SGIP1: variants seen among roughly 807,000 people sequenced by gnomAD.
SGIP1 encodes SH3-containing GRB2-like protein 3-interacting protein 1.
In SGIP1, 38 loss-of-function variants were observed where a neutral mutation model predicts 107.5. That is an observed-to-expected ratio of 0.35 (90% CI 0.27 to 0.46). The LOEUF (loss-of-function observed/expected upper bound fraction) is 0.46, where lower values mean the gene tolerates loss of function less well. Ranked by LOEUF, SGIP1 falls within the 20% of genes least tolerant of loss-of-function variation. The pLI is 1.00. For missense variants in SGIP1, 929 were observed against 1,019.5 expected, an observed-to-expected ratio of 0.91 and a Z score of 1.21; for synonymous variants, 365 against 366.1, an observed-to-expected ratio of 1.00 and a Z score of 0.03.
chr1:66,680,328 T>C (rs2086391769), intron 14 of SGIP1, among the ~76,000 whole-genome samples: 3 of 152,240 alleles, frequency 2.0e-5, no homozygotes, highest in Admixed American at 2.0e-4. Flanking sequence ...AGGCACACCT[T>C]TACCATCTAT....
chr1:66,618,206 T>C (rs564192188), intron 1 of SGIP1, among the ~76,000 whole-genome samples: 4 of 152,364 alleles, frequency 2.6e-5, no homozygotes, highest in Non-Finnish European at 4.4e-5. Context: ...CCACCTAAAA[T>C]GTAATGTGGC....
chr1:66,638,605 A>T (rs17129230), intron 4 of SGIP1, among the ~76,000 whole-genome samples: 1 of 152,118 alleles, frequency 6.6e-6, no homozygotes, highest in African/African-American at 2.4e-5. Flanking sequence ...TGAACACATT[A>T]TCTATTTCTT....
At chr1:66,698,328 C>A (rs2091308180) in intron 18 of SGIP1, among the ~76,000 whole-genome samples, 1 of 148,928 alleles carries the variant, frequency 6.7e-6, no homozygotes, top group Non-Finnish European at 1.5e-5. Flanking sequence ...GATAAAAATT[C>A]TATTTATTTT....
chr1:66,615,534 A>G (rs973563453), intron 1 of SGIP1, among the ~76,000 whole-genome samples: 2 of 152,306 alleles, frequency 1.3e-5, no homozygotes, highest in African/African-American at 4.8e-5. Context: ...CTGGCCCCCT[A>G]TTCCCTGAAT....
At chr1:66,656,111 T>G (rs879470674) in intron 7 of SGIP1, among the ~76,000 whole-genome samples, 1 of 152,228 alleles carries the variant, frequency 6.6e-6, no homozygotes, top group Non-Finnish European at 1.5e-5. Flanking sequence ...TAAAAATTTT[T>G]CTTTTCACTT....
Position 66,583,314 on chromosome 1 carries a change from G to A in SGIP1, c.11-42533G>A, listed in dbSNP as rs898062477. Among the ~76,000 whole-genome samples, 3 of 152,168 alleles carry A rather than the reference G, an allele frequency of 2.0e-5. No individual in the cohort carries two copies. In the East Asian group the frequency reaches 5.8e-4, roughly 29 times the overall value. ...TCAAAGTGTAGTCTATGTAATGTTT[G>A]CACTGGAAAATTTTAAAGTGCTTAT... On this transcript the variant is annotated intron_variant, in intron 1 of 24. Transcript: ENST00000371037.
chr1:66,607,297 T>C (rs2067034407), intron 1 of SGIP1, among the ~76,000 whole-genome samples: 1 of 152,218 alleles, frequency 6.6e-6, no homozygotes, highest in South Asian at 2.1e-4. Context: ...ACTTGGAGTT[T>C]TATCACCCAC....
intron 18 of SGIP1, among the ~76,000 whole-genome samples, chr1:66,714,394 C>T (rs1227538549): frequency 6.6e-6 from 1 of 152,060 alleles, no homozygotes; most frequent in Non-Finnish European, 1.5e-5. Context: ...TGAAATAATC[C>T]CATAATGATG....
rs1177903799 is a variant in SGIP1, at chr1:66,750,871, C to T, written c.*7776C>T. Among the ~76,000 whole-genome samples, 1 of 152,186 alleles carries T rather than the reference C, an allele frequency of 6.6e-6. No homozygotes were observed. Among genetic ancestry groups the T allele is most frequent in the Non-Finnish European group, 1.5e-5 (1 of 68,038 alleles). ...TTGTTGAAGATAATCATGAGACCATCTTAACATTACTTGCCTTATAAGTTA... is the reference window on the plus strand; with the variant it reads ...TTGTTGAAGATAATCATGAGACCATTTTAACATTACTTGCCTTATAAGTTA... On this transcript the variant is annotated 3_prime_UTR_variant, in exon 25 of 25. Coordinates refer to ENST00000371037, the MANE Select transcript of SGIP1 (RefSeq NM_032291.4).
chr1:66,640,172 AG>A (rs1466173872), intron 5 of SGIP1, among the ~76,000 whole-genome samples: 1 of 152,192 alleles, frequency 6.6e-6, no homozygotes, highest in African/African-American at 2.4e-5. Flanking sequence ...ACCCTGATCT[AG>A]CCCCCACACA....
chr1:66,637,419 AC>A (rs1269872523), intron 4 of SGIP1, among the ~76,000 whole-genome samples: 1 of 150,628 alleles, frequency 6.6e-6, no homozygotes, highest in Non-Finnish European at 1.5e-5. Flanking sequence ...CATAACTGAG[AC>A]CAAATTCCTC....
chr1:66,639,272 C>T (rs1023995121), intron 4 of SGIP1, among the ~76,000 whole-genome samples: 1 of 152,168 alleles, frequency 6.6e-6, no homozygotes, highest in African/African-American at 2.4e-5. Flanking sequence ...AGCTGACTTA[C>T]TCTGTGTTTT....
In SGIP1 at chr1:66,747,275, C is replaced by T. The variant is rs1163843270; in HGVS notation, c.*4180C>T. The T allele has an allele frequency of 6.6e-6, 1 of 152,026 alleles. No homozygotes were observed. Among genetic ancestry groups the T allele is most frequent in the East Asian group, 1.9e-4 (1 of 5,202 alleles). 9.4% of individuals were successfully genotyped at this position (152,026 alleles called of 1,614,324 possible). A position where few individuals can be genotyped will look rare whatever the true frequency, so the allele number is the denominator to read the frequency against. ...GCTCTAGTAGATCTCTAAGGTCCTT[C>T]TTAGTTCTGACATTATATCAGATTT... is the stretch of plus-strand genomic sequence containing the variant. On this transcript the variant is annotated 3_prime_UTR_variant, in exon 25 of 25. Transcript: ENST00000371037.
intron 17 of SGIP1, chr1:66,694,590 C>A: frequency 1.9e-6 from 2 of 1,063,262 alleles, no homozygotes; most frequent in Non-Finnish European, 2.6e-6. Flanking sequence ...ACTTCATGGA[C>A]ATGCCCTCAC....
chr1:66,701,151 G>T (rs1180559181), intron 18 of SGIP1, among the ~76,000 whole-genome samples: 1 of 152,122 alleles, frequency 6.6e-6, no homozygotes, highest in Non-Finnish European at 1.5e-5. Context: ...AGTAAGAAAT[G>T]AACTGGTCAA....
chr1:66,702,974 G>A (rs182760577), intron 18 of SGIP1, among the ~76,000 whole-genome samples: 22 of 152,200 alleles, frequency 1.4e-4, no homozygotes, highest in African/African-American at 4.8e-4. Flanking sequence ...AAGAACAGCG[G>A]AAAGTCTTGA....
intron 1 of SGIP1, among the ~76,000 whole-genome samples, chr1:66,586,594 T>G (rs895602117): frequency 2.0e-5 from 3 of 152,162 alleles, no homozygotes; most frequent in African/African-American, 7.2e-5. Context: ...TTACTTTCCT[T>G]TATGCCCTTT....
intron 1 of SGIP1, among the ~76,000 whole-genome samples, chr1:66,592,167 T>TC (rs2063754481): frequency 6.6e-6 from 1 of 152,146 alleles, no homozygotes; most frequent in African/African-American, 2.4e-5. Flanking sequence ...GTCAGGTCTT[T>TC]CCCTTCCCAT....
chr1:66,698,734 G>A (rs2150194037), intron 18 of SGIP1, among the ~76,000 whole-genome samples: 1 of 152,214 alleles, frequency 6.6e-6, no homozygotes, highest in East Asian at 1.9e-4. Flanking sequence ...AAGCTATCAA[G>A]TATTCTGAGG....
Sources: gnomAD v4.1 joint callset for allele counts (sites outside exome capture counted in the v4.1 genomes callset) on GRCh38, gnomAD v4.1.1 for gene constraint, MANE v1.5 for transcripts, NCBI Gene and HGNC (gene_info 2026-07-23, HGNC 2026-07-21) for gene names.